The following ATE1 variants were observed in gnomAD, a reference collection of about 807,000 sequenced individuals.
ATE1 encodes arginyltransferase 1, also known as arginyl-tRNA--protein transferase 1.
ATE1 carries 36 observed loss-of-function variants against 70.5 expected under a neutral mutation model. The ratio of observed to expected loss-of-function variants is 0.51; its 90% confidence interval spans 0.39 to 0.67. The LOEUF (loss-of-function observed/expected upper bound fraction) is 0.67, where lower values mean the gene tolerates loss of function less well. Among genes scored for constraint, ATE1 ranks in the 30% least tolerant of loss-of-function variants. The probability of loss-of-function intolerance (pLI) is 0.00; values close to 1 mark genes in which losing one functional copy is unlikely to be tolerated. For missense variants in ATE1, 593 were observed against 629.5 expected (o/e 0.94, Z 0.62); for synonymous variants, 232 against 219.3 (o/e 1.06, Z -0.51).
At chr10:121,844,205 C>T (rs1460882046) in intron 8 of ATE1, among the ~76,000 whole-genome samples, 1 of 152,200 alleles carries the variant, frequency 6.6e-6, no homozygotes, top group African/African-American at 2.4e-5. Flanking sequence ...TTCAAGGCTG[C>T]AGTGAGCTAA....
rs1426363017 is a variant in ATE1 at position 121,902,298 on chromosome 10, C to T, written c.813+93G>A. On this transcript the variant is annotated intron_variant, in intron 6 of 11. Coordinates refer to ENST00000224652, the MANE Select transcript of ATE1 (RefSeq NM_001001976.3). ...AAATTCTCATTATTTAACTAGCAAA[C>T]ATCAACTAATTAGAACTTCAAATAA... 4 of 1,105,262 alleles carry T rather than the reference C, an allele frequency of 3.6e-6. No homozygotes were observed. In the East Asian group the frequency reaches 7.5e-5, roughly 21 times the overall value. 68.5% of individuals were successfully genotyped at this position (1,105,262 alleles called of 1,614,324 possible).
intron 10 of ATE1, among the ~76,000 whole-genome samples, chr10:121,816,288 A>G (rs1019192432): frequency 2.0e-5 from 3 of 152,202 alleles, no homozygotes; most frequent in African/African-American, 4.8e-5. Context: ...GGTGCTACAT[A>G]TAATAGATTT....
At chr10:121,905,347 T>C (rs1049046425) in intron 5 of ATE1, among the ~76,000 whole-genome samples, 1 of 152,220 alleles carries the variant, frequency 6.6e-6, no homozygotes, top group Non-Finnish European at 1.5e-5. Flanking sequence ...TTTTCTATAC[T>C]GAAAATTACA....
chr10:121,793,259 C>T (rs563492370), intron 10 of ATE1, among the ~76,000 whole-genome samples: 11 of 152,102 alleles, frequency 7.2e-5, no homozygotes, highest in African/African-American at 2.6e-4. Flanking sequence ...TTTAAAAAGA[C>T]GGAAGAAACA....
chr10:121,901,215 C>T (rs1564944210), intron 6 of ATE1, among the ~76,000 whole-genome samples: 1 of 151,664 alleles, frequency 6.6e-6, no homozygotes, highest in Admixed American at 6.6e-5. Context: ...TGCAGTGAGC[C>T]GAGATCGCGC....
At chr10:121,896,938 C>T (rs190636415) in intron 7 of ATE1, among the ~76,000 whole-genome samples, 19 of 97,456 alleles carry the variant, frequency 1.9e-4, no homozygotes, top group African/African-American at 6.7e-4. Context: ...AAATGGCATA[C>T]AATTTTACCC....
intron 11 of ATE1, among the ~76,000 whole-genome samples, chr10:121,749,793 T>C (rs1171766524): frequency 6.6e-6 from 1 of 152,192 alleles, no homozygotes; most frequent in Non-Finnish European, 1.5e-5. Context: ...ACCAGTGTTT[T>C]AACAATTTCA....
At chr10:121,922,863 A>C (rs1403652556) in intron 2 of ATE1, among the ~76,000 whole-genome samples, 2 of 152,160 alleles carry the variant, frequency 1.3e-5, no homozygotes, top group Non-Finnish European at 2.9e-5. Flanking sequence ...GTACTAACAG[A>C]ACTGTTCATT....
chr10:121,819,532 G>A (rs567449764), intron 10 of ATE1, among the ~76,000 whole-genome samples: 80 of 151,736 alleles, frequency 5.3e-4, no homozygotes, highest in African/African-American at 7.5e-4. Flanking sequence ...GTGAAACCCC[G>A]TCTCTACTAA....
chr10:121,857,153 A>C (rs542215256), intron 8 of ATE1, among the ~76,000 whole-genome samples: 1 of 152,302 alleles, frequency 6.6e-6, no homozygotes, highest in East Asian at 1.9e-4. Flanking sequence ...GTAAAGATGC[A>C]GGTTTGTTAC....
At chr10:121,745,972 T>C (rs1944354544) in intron 11 of ATE1, among the ~76,000 whole-genome samples, 2 of 152,172 alleles carry the variant, frequency 1.3e-5, no homozygotes, top group African/African-American at 2.4e-5. Flanking sequence ...GTATAAACAA[T>C]AGTTATTTTA....
intron 7 of ATE1, among the ~76,000 whole-genome samples, chr10:121,892,666 C>T (rs1334602974): frequency 6.6e-6 from 1 of 151,972 alleles, no homozygotes; most frequent in Non-Finnish European, 1.5e-5. Flanking sequence ...CCACCATGCC[C>T]AGCTAATTTT....
intron 10 of ATE1, among the ~76,000 whole-genome samples, chr10:121,815,414 C>T (rs1025099463): frequency 6.6e-6 from 1 of 152,228 alleles, no homozygotes; most frequent in African/African-American, 2.4e-5. Context: ...GGATTACAGG[C>T]GTGAGCCACC....
intron 5 of ATE1, among the ~76,000 whole-genome samples, chr10:121,905,922 G>A (rs1056683523): frequency 2.0e-5 from 3 of 152,058 alleles, no homozygotes; most frequent in Non-Finnish European, 2.9e-5. Context: ...TGCTTCAACA[G>A]AATGAAAATA....
chr10:121,744,754 G>T (rs1944280799), intron 11 of ATE1, among the ~76,000 whole-genome samples: 1 of 152,172 alleles, frequency 6.6e-6, no homozygotes, highest in African/African-American at 2.4e-5. Context: ...GTTTTCTTCA[G>T]GGTACACAGG....
intron 8 of ATE1, among the ~76,000 whole-genome samples, chr10:121,843,268 A>G (rs1948697516): frequency 1.3e-5 from 2 of 152,230 alleles, no homozygotes; most frequent in Non-Finnish European, 2.9e-5. Context: ...AGAAAACTAC[A>G]AAACTCCGAC....
At chr10:121,768,648 T>C (rs1313283149) in intron 11 of ATE1, among the ~76,000 whole-genome samples, 1 of 152,176 alleles carries the variant, frequency 6.6e-6, no homozygotes, top group Non-Finnish European at 1.5e-5. Context: ...CATTCACCAA[T>C]CAGAGATTGC....
chr10:121,928,040 G>T, upstream of ATE1: 1 of 1,239,340 alleles, frequency 8.1e-7, no homozygotes, highest in Non-Finnish European at 1.0e-6. Flanking sequence ...CCGCCCGGGA[G>T]CCTCCCGAGG....
intron 10 of ATE1, among the ~76,000 whole-genome samples, chr10:121,813,165 C>A (rs900549467): frequency 6.6e-6 from 1 of 152,196 alleles, no homozygotes; most frequent in African/African-American, 2.4e-5. Flanking sequence ...TCAAGCCCAA[C>A]ACAAACATGG....
Sources: allele counts gnomAD v4.1 joint callset (sites outside exome capture counted in the v4.1 genomes callset), GRCh38; gene constraint gnomAD v4.1.1; transcripts MANE v1.5; gene names NCBI Gene and HGNC (gene_info 2026-07-23, HGNC 2026-07-21).